SNHG17: variants seen among roughly 807,000 people sequenced by gnomAD.
SNHG17 encodes small nucleolar RNA host gene 17 (non-protein coding).
chr20:38,429,565 C>G, intron 3 of SNHG17: 1 of 363,814 alleles, frequency 2.7e-6, no homozygotes, highest in South Asian at 2.2e-5. Flanking sequence ...ACACCCTTCC[C>G]TCATGTCTCA....
intron 2 of SNHG17, among the ~76,000 whole-genome samples, chr20:38,432,623 C>G (rs2084358305): frequency 2.0e-5 from 3 of 152,224 alleles, no homozygotes; most frequent in Non-Finnish European, 4.4e-5. Context: ...TGACCACCCC[C>G]ACACAGGCTG....
intron 5 of SNHG17, among the ~76,000 whole-genome samples, chr20:38,423,729 A>G (rs1057113340): frequency 6.6e-6 from 1 of 152,128 alleles, no homozygotes; most frequent in African/African-American, 2.4e-5. Flanking sequence ...AGCAGGTTTC[A>G]GCTGCTCCTC....
intron 2 of SNHG17, among the ~76,000 whole-genome samples, chr20:38,431,701 T>C (rs941056255): frequency 6.6e-6 from 1 of 151,852 alleles, no homozygotes; most frequent in Non-Finnish European, 1.5e-5. Flanking sequence ...AGCTAGGGAG[T>C]AGTGGTAAAG....
rs748780479 is a variant in SNHG17 at position 38,423,901 on chromosome 20, C to T, written n.580-1660G>A. Among the ~76,000 whole-genome samples the T allele has an allele frequency of 7.6e-4, 116 of 152,160 alleles. 1 individual carries two copies. The highest frequency in any genetic ancestry group is 4.6e-4 in the Non-Finnish European group (31 of 68,032). On this transcript the variant is annotated intron_variant and non_coding_transcript_variant, in intron 5 of 8. Transcript: ENST00000654008. ...TTTAAAAACAGGTTGGGTGTGGTGG[C>T]TCACGCTTGTAATCCCAGCACTTTG... is the stretch of plus-strand genomic sequence containing the variant.
exon 2 of SNHG17, chr20:38,434,624 G>C (rs141626236): frequency 6.2e-6 from 1 of 160,500 alleles, no homozygotes; most frequent in Non-Finnish European, 1.3e-5. Flanking sequence ...CAGCCCACAA[G>C]GCCTAGGCAA....
At chr20:38,434,739 C>A (rs2084403165) in intron 1 of SNHG17, 1 of 606,416 alleles carries the variant, frequency 1.6e-6, no homozygotes. Context: ...CCACAGCTAA[C>A]TGGTCTGTAA....
exon 1 of SNHG17, chr20:38,435,327 C>G: frequency 2.4e-6 from 3 of 1,231,234 alleles, no homozygotes; most frequent in Non-Finnish European, 3.0e-6. Flanking sequence ...CGGCGAAGGA[C>G]TGAGGCCACA....
intron 2 of SNHG17, among the ~76,000 whole-genome samples, chr20:38,431,517 C>G (rs757504563): frequency 6.6e-6 from 1 of 152,156 alleles, no homozygotes. Flanking sequence ...CCATCTTGTC[C>G]CACATAAACG....
Position 38,425,619 on chromosome 20 carries a change from A to G in SNHG17, n.579+316T>C, listed in dbSNP as rs41310014. The stretch of plus-strand genomic sequence containing the variant: ...AACTTGCACTTCTTACAAGTTCCCA[A>G]GTAATACTGATGGTACCTGGTTCTG... On this transcript the variant is annotated intron_variant and non_coding_transcript_variant, in intron 5 of 8. Coordinates refer to ENST00000654008, the Ensembl canonical transcript of SNHG17. Among the ~76,000 whole-genome samples the G allele has an allele frequency of 4.5e-3, 689 of 152,320 alleles. 2 individuals are homozygous for G. The highest frequency in any genetic ancestry group is 8.8e-3 in the Admixed American group (135 of 15,298).
chr20:38,422,918 C>A (rs1335516240), intron 5 of SNHG17, among the ~76,000 whole-genome samples: 1 of 152,074 alleles, frequency 6.6e-6, no homozygotes, highest in Non-Finnish European at 1.5e-5. Flanking sequence ...TGGTGAAACC[C>A]CATCTCTACT....
At chr20:38,434,702 G>A (rs2084402471) in intron 1 of SNHG17, 1 of 321,130 alleles carries the variant, frequency 3.1e-6, no homozygotes, top group South Asian at 1.2e-4. Context: ...TGCCCCACTG[G>A]AGTGCTGGCA....
chr20:38,433,774 T>C, intron 2 of SNHG17: 2 of 517,258 alleles, frequency 3.9e-6, no homozygotes, highest in Admixed American at 1.9e-5. Context: ...GGTGAACGCC[T>C]CATGGAACCC....
At chr20:38,430,032 G>A (rs925304811) in intron 3 of SNHG17, among the ~76,000 whole-genome samples, 3 of 152,220 alleles carry the variant, frequency 2.0e-5, no homozygotes, top group Non-Finnish European at 4.4e-5. Context: ...CAAAGACTGG[G>A]CTGGCCGGGT....
At chr20:38,434,365 C>T (rs890187148) in intron 2 of SNHG17, 1 of 233,696 alleles carries the variant, frequency 4.3e-6, no homozygotes, top group Non-Finnish European at 8.5e-6. Context: ...CAGCCCGTCT[C>T]CTAAGTCACG....
At chr20:38,424,309 A>G (rs1238644501) in intron 5 of SNHG17, among the ~76,000 whole-genome samples, 1 of 152,082 alleles carries the variant, frequency 6.6e-6, no homozygotes, top group East Asian at 1.9e-4. Context: ...CGCACCTACC[A>G]TCTAGTGTGT....
intron 3 of SNHG17, among the ~76,000 whole-genome samples, chr20:38,430,372 G>A (rs1490004855): frequency 6.6e-6 from 1 of 152,078 alleles, no homozygotes; most frequent in East Asian, 1.9e-4. Context: ...GCTCACACCT[G>A]TAATCACAGC....
chr20:38,433,317 A>G (rs933181021), intron 2 of SNHG17, among the ~76,000 whole-genome samples: 4 of 152,154 alleles, frequency 2.6e-5, no homozygotes, highest in African/African-American at 9.7e-5. Flanking sequence ...CTGAAAATCA[A>G]CCATCTACCA....
chr20:38,423,974 C>A (rs1284568502), intron 5 of SNHG17, among the ~76,000 whole-genome samples: 2 of 152,102 alleles, frequency 1.3e-5, no homozygotes, highest in African/African-American at 2.4e-5. Flanking sequence ...GACTTCGAGA[C>A]CAGCCTGGCC....
intron 4 of SNHG17, chr20:38,426,133 G>A (rs1159493444): frequency 6.6e-6 from 1 of 150,638 alleles, no homozygotes; most frequent in Non-Finnish European, 1.5e-5. Context: ...AAAACCACTA[G>A]CTAATTGCCT....
Sources: allele counts gnomAD v4.1 joint callset (sites outside exome capture counted in the v4.1 genomes callset), GRCh38; gene constraint gnomAD v4.1.1; transcripts MANE v1.5; gene names NCBI Gene and HGNC (gene_info 2026-07-23, HGNC 2026-07-21).